The following MALRD1 variants were observed in gnomAD, a reference collection of about 807,000 sequenced individuals.
MALRD1 encodes the protein MAM and LDL-receptor class A domain-containing protein 1.
Under a neutral mutation model 242.1 loss-of-function variants are expected in MALRD1, and 247 were observed. That is an observed-to-expected ratio of 1.02 (90% CI 0.92 to 1.13). The LOEUF (loss-of-function observed/expected upper bound fraction) is 1.13, where lower values mean the gene tolerates loss of function less well. MALRD1 is among the 50% of genes most tolerant of loss of function. The pLI, the probability that MALRD1 is intolerant of heterozygous loss-of-function variation, is 0.00. For synonymous variants in MALRD1, 995 were observed against 866.6 expected (o/e 1.15, Z -2.60); for missense variants, 2,989 against 2,533.1 (o/e 1.18, Z -3.86).
At chr10:19,471,344 T>C (rs375447001) in intron 29 of MALRD1, among the ~76,000 whole-genome samples, 2 of 151,932 alleles carry the variant, frequency 1.3e-5, no homozygotes, top group East Asian at 3.9e-4. Flanking sequence ...GGCTTTGTAA[T>C]ATGTTTTGAA....
intron 2 of MALRD1, 101 bp downstream of exon 2, chr10:19,066,960 CCCA>C: frequency 1.2e-6 from 1 of 851,792 alleles, no homozygotes. Flanking sequence ...TCTTCCGTTC[CCCA>C]CCACATGTTT....
chr10:19,263,659 T>C (rs1839851380), intron 19 of MALRD1, among the ~76,000 whole-genome samples: 1 of 152,192 alleles, frequency 6.6e-6, no homozygotes, highest in Admixed American at 6.5e-5. Flanking sequence ...CATGTAGATA[T>C]CCATTTCTTT....
chr10:19,379,856 A>G (rs1292219760), intron 26 of MALRD1, among the ~76,000 whole-genome samples: 1 of 152,188 alleles, frequency 6.6e-6, no homozygotes, highest in Non-Finnish European at 1.5e-5. Flanking sequence ...AGTAACTGAA[A>G]GAAGGGTGGT....
intron 13 of MALRD1, among the ~76,000 whole-genome samples, chr10:19,166,658 A>T (rs754866506): frequency 6.6e-6 from 1 of 152,200 alleles, no homozygotes; most frequent in Non-Finnish European, 1.5e-5. Flanking sequence ...GACACATTAT[A>T]TGCATGTATC....
At chr10:19,624,447 A>G (rs533577560) in intron 36 of MALRD1, among the ~76,000 whole-genome samples, 1 of 152,274 alleles carries the variant, frequency 6.6e-6, no homozygotes, top group East Asian at 1.9e-4. Context: ...CATTTGACTC[A>G]AATTTTAAAA....
At chr10:19,118,700 T>A (rs1836960616) in intron 5 of MALRD1, among the ~76,000 whole-genome samples, 1 of 152,180 alleles carries the variant, frequency 6.6e-6, no homozygotes, top group South Asian at 2.1e-4. Context: ...CTGGCTTCAC[T>A]TTCCCATCAT....
chr10:19,599,811 A>C (rs986309985), intron 34 of MALRD1, among the ~76,000 whole-genome samples: 2 of 152,120 alleles, frequency 1.3e-5, no homozygotes, highest in Non-Finnish European at 2.9e-5. Flanking sequence ...CATGACATTT[A>C]GTTAAGGCAA....
At chr10:19,184,480 A>G (rs1244293659) in intron 14 of MALRD1, among the ~76,000 whole-genome samples, 1 of 152,102 alleles carries the variant, frequency 6.6e-6, no homozygotes, top group African/African-American at 2.4e-5. Context: ...TGTTACTCTG[A>G]ATTGTTTCTT....
intron 31 of MALRD1, among the ~76,000 whole-genome samples, chr10:19,522,076 C>T (rs1360123508): frequency 6.6e-6 from 1 of 151,996 alleles, no homozygotes; most frequent in African/African-American, 2.4e-5. Flanking sequence ...ACTCTTCACA[C>T]TGACGCAAGA....
intron 29 of MALRD1, among the ~76,000 whole-genome samples, chr10:19,487,660 A>G (rs184796544): frequency 6.6e-6 from 1 of 152,206 alleles, no homozygotes; most frequent in South Asian, 2.1e-4. Flanking sequence ...AGACTTGCAT[A>G]TGGAAAAAAT....
intron 32 of MALRD1, among the ~76,000 whole-genome samples, chr10:19,553,309 A>G (rs1228902442): frequency 6.6e-6 from 1 of 152,154 alleles, no homozygotes; most frequent in Non-Finnish European, 1.5e-5. Flanking sequence ...TTTTCTGTAT[A>G]TATGTATGGA....
chr10:19,177,411 A>G (rs931558582), intron 14 of MALRD1, among the ~76,000 whole-genome samples: 1 of 152,142 alleles, frequency 6.6e-6, no homozygotes, highest in Non-Finnish European at 1.5e-5. Context: ...GAAAAGCATT[A>G]AAGTTGACAT....
intron 36 of MALRD1, among the ~76,000 whole-genome samples, chr10:19,645,151 G>C (rs953149490): frequency 6.6e-6 from 1 of 152,078 alleles, no homozygotes; most frequent in African/African-American, 2.4e-5. Flanking sequence ...TAGGACATCA[G>C]AGAAATGCAA....
intron 18 of MALRD1, among the ~76,000 whole-genome samples, chr10:19,221,514 A>G (rs1215857668): frequency 6.6e-6 from 1 of 152,164 alleles, no homozygotes; most frequent in African/African-American, 2.4e-5. Flanking sequence ...AGCTGAATTT[A>G]AAATGTAACG....
chr10:19,281,002 G>A (rs543109935), intron 20 of MALRD1, among the ~76,000 whole-genome samples: 2 of 152,310 alleles, frequency 1.3e-5, no homozygotes, highest in Admixed American at 1.3e-4. Flanking sequence ...CACAGAGAGA[G>A]TAGTGAAACC....
At chr10:19,486,863 A>G (rs1224473694) in intron 29 of MALRD1, among the ~76,000 whole-genome samples, 1 of 152,178 alleles carries the variant, frequency 6.6e-6, no homozygotes. Flanking sequence ...AAATGAAACT[A>G]GTTTTCAATT....
intron 28 of MALRD1, 64 bp downstream of exon 28, chr10:19,389,673 T>C (rs7896087): frequency 0.86 from 1,282,312 of 1,487,310 alleles, 554,822 homozygotes; most frequent in African/African-American, 0.92. Flanking sequence ...AGGGTCTTGC[T>C]CTGTCACTCA....
intron 18 of MALRD1, among the ~76,000 whole-genome samples, chr10:19,235,892 A>G (rs559927718): frequency 3.2e-4 from 49 of 152,230 alleles, no homozygotes; most frequent in African/African-American, 1.1e-3. Flanking sequence ...TCTATGGGAC[A>G]TCGAAGTGGA....
rs79271108 is a variant in MALRD1, at chr10:19,506,484, G to A, written c.5320+7838G>A. Among the ~76,000 whole-genome samples, 360 of 152,172 alleles carry A rather than the reference G, an allele frequency of 2.4e-3. 6 individuals are homozygous for A. In the East Asian group the frequency reaches 0.049, roughly 21 times the overall value. On this transcript the variant is annotated intron_variant, in intron 31 of 39. Coordinates refer to ENST00000454679, the MANE Select transcript of MALRD1 (RefSeq NM_001142308.3). ...TATCAATCAGATGCACCTGTAGGAG[G>A]CATTGATTTGGAAGTGAGCATCAAT...
Sources: gnomAD v4.1 joint callset for allele counts (sites outside exome capture counted in the v4.1 genomes callset) on GRCh38, gnomAD v4.1.1 for gene constraint, MANE v1.5 for transcripts, NCBI Gene and HGNC (gene_info 2026-07-23, HGNC 2026-07-21) for gene names.